Variants in CDKAL1 observed in about 807,000 individuals in gnomAD.
CDKAL1 encodes the protein CDKAL1 threonylcarbamoyladenosine tRNA methylthiotransferase.
A neutral mutation model predicts 68.2 loss-of-function variants in CDKAL1; 32 were observed. The observed-to-expected ratio is 0.47, with a 90% CI of 0.35 to 0.63. The LOEUF is 0.63. CDKAL1 is among the 30% of genes least tolerant of loss of function. The probability of loss-of-function intolerance (pLI) is 0.00; values close to 1 mark genes in which losing one functional copy is unlikely to be tolerated. For missense variants in CDKAL1, 606 were observed against 696.7 expected, an observed-to-expected ratio of 0.87 and a Z score of 1.47; for synonymous variants, 234 against 244.3, an observed-to-expected ratio of 0.96 and a Z score of 0.39.
At chr6:21,175,676 A>G (rs544793908) in intron 13 of CDKAL1, among the ~76,000 whole-genome samples, 2 of 152,324 alleles carry the variant, frequency 1.3e-5, no homozygotes, top group East Asian at 3.9e-4. Flanking sequence ...TAAATAAGTG[A>G]ATGTTAAAGT....
chr6:20,544,925 A>G (rs1050333784), intron 2 of CDKAL1, among the ~76,000 whole-genome samples: 4 of 151,338 alleles, frequency 2.6e-5, no homozygotes, highest in Admixed American at 6.6e-5. Context: ...AGCTCTCCCC[A>G]CTTGGCCTTT....
At chr6:20,822,831 C>A (rs966251214) in intron 8 of CDKAL1, among the ~76,000 whole-genome samples, 2 of 152,158 alleles carry the variant, frequency 1.3e-5, no homozygotes, top group African/African-American at 4.8e-5. Context: ...CAAGCCTCCC[C>A]AGCCATGCTG....
chr6:20,658,817 C>G (rs1038089380), intron 5 of CDKAL1, among the ~76,000 whole-genome samples: 1 of 152,032 alleles, frequency 6.6e-6, no homozygotes, highest in African/African-American at 2.4e-5. Flanking sequence ...CTAAAAGTTA[C>G]TTTTATTTAC....
chr6:20,621,223 T>G (rs1231272384), intron 4 of CDKAL1, among the ~76,000 whole-genome samples: 1 of 152,222 alleles, frequency 6.6e-6, no homozygotes, highest in Non-Finnish European at 1.5e-5. Context: ...CAGGTTATTA[T>G]GTATTCTAGG....
rs181915843 is a variant in CDKAL1 at position 20,864,517 on chromosome 6, A to G, written c.742+18339A>G. 1.5e-3 allele frequency among the ~76,000 whole-genome samples: 221 copies of G among 152,298 alleles called. 1 individual carries two copies. The highest frequency in any genetic ancestry group is 2.8e-3 in the Admixed American group (43 of 15,296). ...TACATATTCTACTATGAATTCTGGA[A>G]CATTAGAAGAAGCAATTTGTGATTT... On this transcript the variant is annotated intron_variant, in intron 9 of 15. Coordinates refer to ENST00000274695, the MANE Select transcript of CDKAL1 (RefSeq NM_017774.3).
At chr6:21,226,925 G>T (rs1366228001) in intron 15 of CDKAL1, among the ~76,000 whole-genome samples, 2 of 152,204 alleles carry the variant, frequency 1.3e-5, no homozygotes, top group African/African-American at 4.8e-5. Flanking sequence ...TGTTAGCCAG[G>T]ATGGTCTCAT....
In CDKAL1 at chr6:20,637,258, A is replaced by G. The variant is rs190133080; in HGVS notation, c.287-12035A>G. Among the ~76,000 whole-genome samples the G allele has an allele frequency of 1.3e-3, 196 of 151,982 alleles. 1 individual carries two copies. The highest frequency in any genetic ancestry group is 4.6e-3 in the African/African-American group (190 of 41,488). ...GTTCTTTCGAGATGTTTGATAATGA[A>G]GGGGGAGTAAACAAATGAGGAAGGC... On this transcript the variant is annotated intron_variant, in intron 4 of 15. Coordinates refer to ENST00000274695, the MANE Select transcript of CDKAL1 (RefSeq NM_017774.3).
intron 9 of CDKAL1, among the ~76,000 whole-genome samples, chr6:20,936,638 A>C (rs1463237775): frequency 6.6e-6 from 1 of 152,090 alleles, no homozygotes; most frequent in African/African-American, 2.4e-5. Flanking sequence ...TGACAATGGC[A>C]GTACTATGAC....
At chr6:21,175,004 C>A (rs1562092834) in intron 13 of CDKAL1, among the ~76,000 whole-genome samples, 1 of 152,126 alleles carries the variant, frequency 6.6e-6, no homozygotes, top group African/African-American at 2.4e-5. Flanking sequence ...CTCCTGAGAG[C>A]AATGGGGAAC....
At chr6:20,725,757 C>T (rs1391993401) in intron 5 of CDKAL1, among the ~76,000 whole-genome samples, 1 of 146,722 alleles carries the variant, frequency 6.8e-6, no homozygotes, top group African/African-American at 2.6e-5. Flanking sequence ...GTGCTGCAGC[C>T]TGGGCAACAA....
intron 4 of CDKAL1, among the ~76,000 whole-genome samples, chr6:20,564,426 T>A (rs1299875325): frequency 6.6e-6 from 1 of 152,220 alleles, no homozygotes; most frequent in Non-Finnish European, 1.5e-5. Context: ...CATTTTTTGA[T>A]GAAAAAGTGT....
intron 9 of CDKAL1, among the ~76,000 whole-genome samples, chr6:20,874,092 G>C (rs1000303301): frequency 6.6e-5 from 10 of 152,122 alleles, no homozygotes; most frequent in African/African-American, 2.2e-4. Flanking sequence ...CTGGGATATA[G>C]AAGTAAATAA....
rs1375823495 is a variant in CDKAL1 at position 20,695,659 on chromosome 6, T to C, written c.372-43860T>C. ...TTCTTTTGTTTTATTCCTTTTTTTC[T>C]TTGGCCAGGCAGATATACTCTGGAT... On this transcript the variant is annotated intron_variant, in intron 5 of 15. Coordinates refer to ENST00000274695, the MANE Select transcript of CDKAL1 (RefSeq NM_017774.3). Among the ~76,000 whole-genome samples, 5 of 152,140 alleles carry C rather than the reference T, an allele frequency of 3.3e-5. No homozygotes were observed. In the East Asian group the frequency reaches 9.6e-4, roughly 29 times the overall value.
rs868604450 is a variant in CDKAL1 at position 20,798,930 on chromosome 6, A to G, written c.638+17665A>G. Among the ~76,000 whole-genome samples, 347 of 144,822 alleles carry G rather than the reference A, an allele frequency of 2.4e-3. 2 individuals carry two copies. Among genetic ancestry groups the G allele is most frequent in the Admixed American group, 6.4e-3 (93 of 14,478 alleles). On this transcript the variant is annotated intron_variant, in intron 8 of 15. Transcript: ENST00000274695. ...AGTATAATAATACAAAAAAAAAAAA[A>G]AAAAGAAAAGAAAATTGTGTTAAAA...
In CDKAL1 at chr6:21,190,132, GA is replaced by G. The variant is rs542670408; in HGVS notation, c.1300-7878del. Among the ~76,000 whole-genome samples, 1,302 of 143,544 alleles carry G rather than the reference GA, an allele frequency of 9.1e-3. 18 individuals are homozygous for G. Among genetic ancestry groups the G allele is most frequent in the South Asian group, 0.061 (278 of 4,536 alleles). 94.2% of individuals were successfully genotyped at this position (143,544 alleles called of 152,430 possible). A position where few individuals can be genotyped will look rare whatever the true frequency, so the allele number is the denominator to read the frequency against. ...AACATGTTCCAGGCAGCTTAGGGGG[GA>G]AAAAAAAAAACTAATTTGACTGGAG... On this transcript the variant is annotated intron_variant, in intron 13 of 15. Transcript: ENST00000274695.
intron 11 of CDKAL1, among the ~76,000 whole-genome samples, chr6:21,021,758 T>A (rs1269656488): frequency 6.6e-6 from 1 of 152,200 alleles, no homozygotes; most frequent in Non-Finnish European, 1.5e-5. Flanking sequence ...CCTTTCTTTA[T>A]TTACCTCACC....
At chr6:20,917,021 C>A (rs1361566217) in intron 9 of CDKAL1, among the ~76,000 whole-genome samples, 1 of 152,154 alleles carries the variant, frequency 6.6e-6, no homozygotes, top group African/African-American at 2.4e-5. Context: ...ACTCTTGTTG[C>A]CCAGGCTGAA....
At chr6:20,942,465 T>C (rs1300517108) in intron 9 of CDKAL1, among the ~76,000 whole-genome samples, 1 of 150,232 alleles carries the variant, frequency 6.7e-6, no homozygotes, top group Non-Finnish European at 1.5e-5. Context: ...TCTCCTGGGT[T>C]CAAGCGATTC....
chr6:20,549,596 T>G (rs922186773), intron 4 of CDKAL1, among the ~76,000 whole-genome samples: 2 of 149,636 alleles, frequency 1.3e-5, no homozygotes, highest in Admixed American at 6.7e-5. Flanking sequence ...ATTTATTTAT[T>G]TATTTATTTA....
Sources: gnomAD v4.1 joint callset for allele counts (sites outside exome capture counted in the v4.1 genomes callset) on GRCh38, gnomAD v4.1.1 for gene constraint, MANE v1.5 for transcripts, NCBI Gene and HGNC (gene_info 2026-07-23, HGNC 2026-07-21) for gene names.